Variants in NAV3 observed in about 807,000 individuals in gnomAD.
NAV3 encodes the protein pore membrane and/or filament interacting like protein 1.
Under a neutral mutation model 244.7 loss-of-function variants are expected in NAV3, and 87 were observed. The ratio of observed to expected loss-of-function variants is 0.36; its 90% confidence interval spans 0.30 to 0.42. The LOEUF (loss-of-function observed/expected upper bound fraction) is 0.42, where lower values mean the gene tolerates loss of function less well. Ranked by LOEUF, NAV3 falls within the 20% of genes least tolerant of loss-of-function variation. The pLI is 1.00. For synonymous variants in NAV3, 1,126 were observed against 1,042.2 expected (o/e 1.08, Z -1.55); for missense variants, 2,663 against 2,893.3 (o/e 0.92, Z 1.83).
intron 1 of NAV3, among the ~76,000 whole-genome samples, chr12:77,879,893 T>C (rs2136589771): frequency 6.6e-6 from 1 of 152,262 alleles, no homozygotes; most frequent in Admixed American, 6.5e-5. Context: ...AATGAAGTCC[T>C]AGAGATGTGC....
intron 2 of NAV3, among the ~76,000 whole-genome samples, chr12:77,691,293 G>T: frequency 8.9e-6 from 1 of 112,934 alleles, no homozygotes; most frequent in East Asian, 2.8e-4. Flanking sequence ...AAAAGTTGTG[G>T]TAGAGGAATC....
intron 5 of NAV3, among the ~76,000 whole-genome samples, chr12:77,969,274 A>G (rs1054507809): frequency 6.6e-6 from 1 of 151,966 alleles, no homozygotes; most frequent in African/African-American, 2.4e-5. Flanking sequence ...CTCCCAAATC[A>G]TGGCAACTTC....
intron 2 of NAV3, among the ~76,000 whole-genome samples, chr12:77,614,074 C>CT (rs71440485): frequency 0.028 from 2,677 of 95,656 alleles, 89 homozygotes; most frequent in East Asian, 0.047. Flanking sequence ...TTCTTTCTCT[C>CT]TTTTTTTTTT....
intron 2 of NAV3, among the ~76,000 whole-genome samples, chr12:77,811,796 T>A (rs1872300186): frequency 6.6e-6 from 1 of 152,212 alleles, no homozygotes; most frequent in Non-Finnish European, 1.5e-5. Context: ...AAGCATTTTC[T>A]GAGAGTAGGG....
chr12:77,716,759 A>G (rs1876379664), intron 2 of NAV3, among the ~76,000 whole-genome samples: 1 of 151,952 alleles, frequency 6.6e-6, no homozygotes. Context: ...AAATCATACC[A>G]TTTATTCTCT....
intron 2 of NAV3, among the ~76,000 whole-genome samples, chr12:77,698,354 T>A (rs1368645105): frequency 3.0e-4 from 45 of 152,274 alleles, no homozygotes; most frequent in African/African-American, 9.9e-4. Context: ...GGCTCAACTA[T>A]TATTCCAATT....
chr12:77,824,070 A>G (rs533740779), intron 2 of NAV3, among the ~76,000 whole-genome samples: 1 of 151,954 alleles, frequency 6.6e-6, no homozygotes, highest in South Asian at 2.1e-4. Context: ...TGCAAAATGA[A>G]GCACAGAGAG....
chr12:77,861,265 G>T (rs1248742574), intron 1 of NAV3, among the ~76,000 whole-genome samples: 1 of 151,544 alleles, frequency 6.6e-6, no homozygotes, highest in Non-Finnish European at 1.5e-5. Flanking sequence ...ATGATTATAT[G>T]CACCCATCTA....
At chr12:78,140,209 T>G in intron 19 of NAV3, 73 bp from the exon 20 acceptor site, 1 of 1,292,040 alleles carries the variant, frequency 7.7e-7, no homozygotes, top group Non-Finnish European at 1.1e-6. Context: ...CGTTCTTTAC[T>G]TTTTCTGTAA....
At chr12:78,089,141 T>A (rs1473520773) in intron 12 of NAV3, among the ~76,000 whole-genome samples, 1 of 152,076 alleles carries the variant, frequency 6.6e-6, no homozygotes, top group Non-Finnish European at 1.5e-5. Flanking sequence ...CACTTTACCA[T>A]TTTTTTCCAT....
chr12:77,682,092 C>T (rs1246732466), intron 2 of NAV3, among the ~76,000 whole-genome samples: 2 of 152,012 alleles, frequency 1.3e-5, no homozygotes, highest in Non-Finnish European at 2.9e-5. Context: ...TCCTCCTAAC[C>T]AAAATTTTGT....
intron 33 of NAV3, among the ~76,000 whole-genome samples, chr12:78,189,577 G>GGT (rs980977612): frequency 2.0e-5 from 3 of 146,568 alleles, no homozygotes; most frequent in East Asian, 2.0e-4. Context: ...TATATATATG[G>GGT]GTGTGTGTGT....
chr12:77,985,568 T>C (rs1185614933), intron 5 of NAV3, among the ~76,000 whole-genome samples: 2 of 149,292 alleles, frequency 1.3e-5, no homozygotes, highest in African/African-American at 4.8e-5. Context: ...TTTCTTTCTC[T>C]ACTTTTTTTT....
chr12:78,131,880 G>A (rs1042209154), intron 18 of NAV3, among the ~76,000 whole-genome samples: 1 of 152,160 alleles, frequency 6.6e-6, no homozygotes, highest in Non-Finnish European at 1.5e-5. Context: ...TCATAGAGTA[G>A]CATTCATCAG....
intron 9 of NAV3, among the ~76,000 whole-genome samples, chr12:78,026,578 A>C (rs1006573016): frequency 3.3e-5 from 5 of 152,172 alleles, no homozygotes; most frequent in African/African-American, 1.2e-4. Context: ...ACTTTTTAGG[A>C]TATTTCTCAG....
intron 2 of NAV3, among the ~76,000 whole-genome samples, chr12:77,751,210 T>C (rs982613536): frequency 1.3e-5 from 2 of 152,222 alleles, no homozygotes; most frequent in Non-Finnish European, 2.9e-5. Context: ...AGTTGACTAA[T>C]GGGTTATACT....
At chr12:77,766,705 A>T (rs571512927) in intron 2 of NAV3, among the ~76,000 whole-genome samples, 1 of 137,908 alleles carries the variant, frequency 7.3e-6, no homozygotes, top group African/African-American at 2.7e-5. Flanking sequence ...CAACTTAAAA[A>T]TTCTAGGATT....
chr12:77,888,923 G>C (rs921981850), intron 1 of NAV3, among the ~76,000 whole-genome samples: 2 of 152,062 alleles, frequency 1.3e-5, no homozygotes, highest in Non-Finnish European at 2.9e-5. Context: ...ATGGACAAGT[G>C]ATTTCTTGAA....
At chr12:77,873,969 C>A (rs1170797222) in intron 1 of NAV3, among the ~76,000 whole-genome samples, 1 of 151,332 alleles carries the variant, frequency 6.6e-6, no homozygotes, top group Non-Finnish European at 1.5e-5. Flanking sequence ...CTAGTGAGTT[C>A]TAGCTCCTGT....
Sources: gnomAD v4.1 joint callset for allele counts (sites outside exome capture counted in the v4.1 genomes callset) on GRCh38, gnomAD v4.1.1 for gene constraint, MANE v1.5 for transcripts, NCBI Gene and HGNC (gene_info 2026-07-23, HGNC 2026-07-21) for gene names.